VPS13B: variants seen among roughly 807,000 people sequenced by gnomAD.
The protein encoded by VPS13B is intermembrane lipid transfer protein VPS13B.
Under a neutral mutation model 426.4 loss-of-function variants are expected in VPS13B, and 285 were observed. That is an observed-to-expected ratio of 0.67 (90% CI 0.61 to 0.74). VPS13B has a LOEUF of 0.74. VPS13B is among the 30% of genes least tolerant of loss of function. The probability of loss-of-function intolerance (pLI) is 0.00; values close to 1 mark genes in which losing one functional copy is unlikely to be tolerated. For missense variants in VPS13B, 4,537 were observed against 4,782.6 expected, an observed-to-expected ratio of 0.95 and a Z score of 1.51; for synonymous variants, 1,676 against 1,676.4, an observed-to-expected ratio of 1.00 and a Z score of 0.01.
At chr8:99,092,034 C>T (rs1846177217) in intron 3 of VPS13B, 1 of 152,096 alleles carries the variant, frequency 6.6e-6, no homozygotes, top group Non-Finnish European at 1.5e-5. Flanking sequence ...CAGTTTTATT[C>T]TAAATGTTAT....
At position 99,309,273 on chromosome 8, in the gene VPS13B, T is replaced by C. The variant is rs1378336430; in HGVS notation, c.2824+34019T>C. 2.0e-5 allele frequency among the ~76,000 whole-genome samples: 3 copies of C among 152,212 alleles called. No homozygotes were observed. The South Asian group carries it at 6.2e-4, about 32-fold the overall frequency. ...TCATTGCCCATGCCTGTGTCCTGAA[T>C]GGTATTGCTTAGGTTTTCTTCTAGG... On this transcript the variant is annotated intron_variant, in intron 19 of 61. Transcript: ENST00000357162.
At chr8:99,593,679 T>C (rs1325120517) in intron 33 of VPS13B, among the ~76,000 whole-genome samples, 1 of 151,806 alleles carries the variant, frequency 6.6e-6, no homozygotes, top group Non-Finnish European at 1.5e-5. Flanking sequence ...AGTGATAGAC[T>C]GGATAAAGAA....
intron 30 of VPS13B, among the ~76,000 whole-genome samples, chr8:99,542,368 A>G (rs1823668649): frequency 1.3e-5 from 2 of 152,208 alleles, no homozygotes; most frequent in Admixed American, 6.5e-5. Flanking sequence ...TCTTGGTGCT[A>G]TAGTAGCCAC....
intron 39 of VPS13B, among the ~76,000 whole-genome samples, chr8:99,722,426 C>T (rs1238368015): frequency 1.3e-5 from 2 of 152,058 alleles, no homozygotes; most frequent in Non-Finnish European, 2.9e-5. Context: ...TTTGAAGTGA[C>T]TGCTCTGTTC....
intron 35 of VPS13B, among the ~76,000 whole-genome samples, chr8:99,693,907 C>T (rs1831815505): frequency 7.4e-6 from 1 of 135,074 alleles, no homozygotes; most frequent in Non-Finnish European, 1.6e-5. Flanking sequence ...CAACAACAGA[C>T]AAACAGAGAG....
intron 21 of VPS13B, among the ~76,000 whole-genome samples, chr8:99,412,303 T>A (rs111473625): frequency 6.6e-6 from 1 of 152,174 alleles, no homozygotes; most frequent in South Asian, 2.1e-4. Flanking sequence ...GTAAGTTGTA[T>A]TCCTAGGTAT....
chr8:99,754,552 T>C (rs1464570519), intron 39 of VPS13B, among the ~76,000 whole-genome samples: 1 of 152,178 alleles, frequency 6.6e-6, no homozygotes, highest in African/African-American at 2.4e-5. Flanking sequence ...TTTATCCCTA[T>C]CTCTAGATAA....
chr8:99,671,838 G>A (rs930047889), intron 35 of VPS13B, among the ~76,000 whole-genome samples: 1 of 151,974 alleles, frequency 6.6e-6, no homozygotes, highest in Non-Finnish European at 1.5e-5. Flanking sequence ...TCATTCTTCT[G>A]CATGGGCTAG....
chr8:99,553,023 C>T lies in VPS13B; in HGVS notation c.4746-3427C>T, dbSNP rs942463616. On this transcript the variant is annotated intron_variant, in intron 30 of 61. Transcript: ENST00000357162. The stretch of plus-strand genomic sequence containing the variant: ...CACCCTTTCACTACTGGTGACCCTT[C>T]GTGATCTCAGCTTTATGTGAATTGT... Among the ~76,000 whole-genome samples the T allele has an allele frequency of 2.0e-5, 3 of 152,126 alleles. 1 individual carries two copies. The highest frequency in any genetic ancestry group is 4.1e-4 in the South Asian group (2 of 4,822).
chr8:99,655,870 A>C (rs1452942932), intron 34 of VPS13B, among the ~76,000 whole-genome samples: 1 of 152,226 alleles, frequency 6.6e-6, no homozygotes, highest in Non-Finnish European at 1.5e-5. Context: ...AATGTTTGCT[A>C]AGGGTTAAAA....
chr8:99,512,733 G>A (rs533707992), intron 29 of VPS13B, among the ~76,000 whole-genome samples: 2 of 152,292 alleles, frequency 1.3e-5, no homozygotes, highest in Non-Finnish European at 2.9e-5. Flanking sequence ...CCATGGGCTG[G>A]GCACGGTGGC....
intron 36 of VPS13B, among the ~76,000 whole-genome samples, chr8:99,705,919 G>A (rs1042167648): frequency 3.3e-5 from 5 of 152,040 alleles, no homozygotes; most frequent in East Asian, 1.9e-4. Context: ...ATATCAGAGC[G>A]ATCTCATGTG....
intron 54 of VPS13B, among the ~76,000 whole-genome samples, chr8:99,837,616 G>C (rs1815463437): frequency 6.6e-6 from 1 of 152,126 alleles, no homozygotes; most frequent in South Asian, 2.1e-4. Flanking sequence ...ATCATCTGTG[G>C]TTTGAGGACC....
intron 15 of VPS13B, among the ~76,000 whole-genome samples, chr8:99,168,233 G>A (rs1812124057): frequency 1.3e-5 from 2 of 151,992 alleles, no homozygotes. Context: ...AGCATCTCTA[G>A]GCAACACAAA....
At chr8:99,264,524 C>T (rs1167118090) in intron 17 of VPS13B, among the ~76,000 whole-genome samples, 1 of 152,102 alleles carries the variant, frequency 6.6e-6, no homozygotes, top group Non-Finnish European at 1.5e-5. Flanking sequence ...AGTGATTTTC[C>T]TACAGAAATC....
intron 23 of VPS13B, among the ~76,000 whole-genome samples, chr8:99,467,116 C>CA (rs1819150947): frequency 6.6e-6 from 1 of 152,046 alleles, no homozygotes. Flanking sequence ...CATACGTCCC[C>CA]AACAGTTTCA....
rs773387480 is a variant in VPS13B at position 99,820,009 on chromosome 8, C to T, written c.8881C>T (p.Leu2961=). ...PYVRTLLIEL[L]PWALLINESK... ...TGTTAGAACTTTGTTGATAGAACTTCTGCCCTGGGCCCTGCTTATCAATGA... is the reference window on the plus strand; with the variant it reads ...TGTTAGAACTTTGTTGATAGAACTTTTGCCCTGGGCCCTGCTTATCAATGA... The change falls in exon 49 of 62, where the codon CTG becomes TTG. Residue 2961 remains leucine (L), a synonymous_variant. Transcript: ENST00000357162. 9 of 1,614,066 alleles carry T rather than the reference C, an allele frequency of 5.6e-6. No homozygotes were observed. Among genetic ancestry groups the T allele is most frequent in the Non-Finnish European group, 6.8e-6 (8 of 1,179,932 alleles).
chr8:99,849,929 GCATGTATGTACTTATACATACCTA>G (rs1816174883), intron 55 of VPS13B, among the ~76,000 whole-genome samples: 3 of 143,536 alleles, frequency 2.1e-5, no homozygotes, highest in Admixed American at 6.7e-5. Flanking sequence ...ACATAAGTAC[GCATGTATGTACTTATACATACCTA>G]CATAAGTACG....
chr8:99,701,564 C>G (rs1174208395), intron 36 of VPS13B, among the ~76,000 whole-genome samples: 1 of 152,012 alleles, frequency 6.6e-6, no homozygotes, highest in Admixed American at 6.6e-5. Context: ...TTGTTTTTTC[C>G]CCCTGTATGT....
Sources: gnomAD v4.1 joint callset for allele counts (sites outside exome capture counted in the v4.1 genomes callset) on GRCh38, gnomAD v4.1.1 for gene constraint, MANE v1.5 for transcripts, NCBI Gene and HGNC (gene_info 2026-07-23, HGNC 2026-07-21) for gene names.